Variants in BFAR observed in about 807,000 individuals in gnomAD.
BFAR encodes the protein bifunctional apoptosis regulator.
A neutral mutation model predicts 54.4 loss-of-function variants in BFAR; 52 were observed. The observed-to-expected ratio is 0.96, with a 90% CI of 0.77 to 1.21. BFAR has a LOEUF of 1.21. BFAR is among the 50% of genes most tolerant of loss of function. The pLI, the probability that BFAR is intolerant of heterozygous loss-of-function variation, is 0.00. For missense variants in BFAR, 571 were observed against 534.0 expected (o/e 1.07, Z -0.68); for synonymous variants, 215 against 204.3 (o/e 1.05, Z -0.45).
At chr16:14,650,667 T>A (rs901093356) in intron 4 of BFAR, 51 of 152,362 alleles carry the variant, frequency 3.3e-4, no homozygotes, top group African/African-American at 1.2e-3. Context: ...CATGTATCAG[T>A]ACTTCATTCC....
chr16:14,639,130 AT>A (rs2151835019), intron 1 of BFAR, among the ~76,000 whole-genome samples: 1 of 152,152 alleles, frequency 6.6e-6, no homozygotes, highest in African/African-American at 2.4e-5. Flanking sequence ...GATCATTCAA[AT>A]TCACCAACTC....
chr16:14,654,970 C>G (rs1960080337), intron 4 of BFAR, 96 bp from the exon 5 acceptor site: 4 of 1,274,418 alleles, frequency 3.1e-6, no homozygotes, highest in Non-Finnish European at 4.2e-6. Flanking sequence ...ATACCTCAAG[C>G]CTACAATATT....
intron 5 of BFAR, among the ~76,000 whole-genome samples, chr16:14,659,547 A>G (rs761529674): frequency 6.9e-6 from 1 of 145,460 alleles, no homozygotes; most frequent in Non-Finnish European, 1.5e-5. Context: ...TCCGGCCTCT[A>G]TAGTATACTT....
intron 1 of BFAR, among the ~76,000 whole-genome samples, chr16:14,638,608 G>A (rs1241375048): frequency 3.3e-5 from 5 of 152,182 alleles, no homozygotes; most frequent in Admixed American, 2.6e-4. Flanking sequence ...AATTTCTAAA[G>A]AGTTAACAAT....
chr16:14,637,501 A>T (rs1436326417), intron 1 of BFAR, among the ~76,000 whole-genome samples: 1 of 152,082 alleles, frequency 6.6e-6, no homozygotes, highest in Admixed American at 6.6e-5. Context: ...CTTATTCCAT[A>T]TGATTGTTAT....
chr16:14,644,114 G>C (rs1476204458), intron 1 of BFAR, among the ~76,000 whole-genome samples, 160 bp from the exon 2 acceptor site: 1 of 147,388 alleles, frequency 6.8e-6, no homozygotes, highest in Non-Finnish European at 1.5e-5. Flanking sequence ...AGTGAGCTGA[G>C]ATCACGCCAC....
At chr16:14,646,388 G>C (rs1258353916) in intron 2 of BFAR, among the ~76,000 whole-genome samples, 1 of 151,588 alleles carries the variant, frequency 6.6e-6, no homozygotes, top group Non-Finnish European at 1.5e-5. Flanking sequence ...GGGTTTCACA[G>C]TTTTGGCCAG....
chr16:14,645,958 T>G (rs559628818), intron 2 of BFAR, among the ~76,000 whole-genome samples: 2 of 152,300 alleles, frequency 1.3e-5, no homozygotes, highest in African/African-American at 4.8e-5. Flanking sequence ...AACCTCCACC[T>G]CCTAGGTTCA....
chr16:14,661,815 C>T lies in BFAR; in HGVS notation c.784-77C>T, dbSNP rs1182055649. ...ATGCAAAAAGGCTGATGGCAACAAG[C>T]GAGAGATGGGAAGGAGCGTGGGTGG... On this transcript the variant is annotated intron_variant, in intron 5 of 7. Coordinates refer to ENST00000261658, the MANE Select transcript of BFAR (RefSeq NM_016561.3). 6.6e-6 allele frequency: 10 copies of T among 1,511,674 alleles called. No individual in the cohort carries two copies. The African/African-American group carries it at 8.2e-5, about 12-fold the overall frequency. The allele number at this position is 1,511,674 out of a possible 1,614,324, so 93.6% of individuals were successfully genotyped here.
chr16:14,650,062 C>T (rs1959924966), intron 4 of BFAR, 89 bp downstream of exon 4: 4 of 1,361,396 alleles, frequency 2.9e-6, no homozygotes, highest in Non-Finnish European at 3.9e-6. Flanking sequence ...GTGGCTCACA[C>T]CTGGATCCCA....
chr16:14,666,117 A>C (rs1178310059), intron 7 of BFAR, among the ~76,000 whole-genome samples: 1 of 152,184 alleles, frequency 6.6e-6, no homozygotes, highest in African/African-American at 2.4e-5. Context: ...CCAGAAAGAA[A>C]GCACTTCCTT....
At chr16:14,664,284 A>C (rs1419397477) in intron 6 of BFAR, among the ~76,000 whole-genome samples, 1 of 150,974 alleles carries the variant, frequency 6.6e-6, no homozygotes, top group Non-Finnish European at 1.5e-5. Flanking sequence ...GAACATACTC[A>C]GGAGGCTGAG....
chr16:14,663,353 A>G (rs959135850), intron 6 of BFAR, among the ~76,000 whole-genome samples: 16 of 150,122 alleles, frequency 1.1e-4, no homozygotes, highest in African/African-American at 3.7e-4. Context: ...TTTTTTTGAG[A>G]CAGAGTCTCG....
intron 5 of BFAR, 151 bp from the exon 6 acceptor site, chr16:14,661,741 A>G (rs1021797964): frequency 2.4e-6 from 2 of 826,948 alleles, no homozygotes; most frequent in African/African-American, 3.4e-5. Flanking sequence ...CCAAATGTGG[A>G]TCACTTGGCC....
At chr16:14,633,813 C>T (rs1959344631) in intron 1 of BFAR, among the ~76,000 whole-genome samples, 1 of 152,032 alleles carries the variant, frequency 6.6e-6, no homozygotes, top group Non-Finnish European at 1.5e-5. Flanking sequence ...TAACCACGCC[C>T]GGCTGATTTT....
At chr16:14,642,773 CACA>C (rs1267469952) in intron 1 of BFAR, among the ~76,000 whole-genome samples, 4 of 152,150 alleles carry the variant, frequency 2.6e-5, no homozygotes, top group South Asian at 2.1e-4. Context: ...GATTTGTGTG[CACA>C]ACAAGTGTTA....
At chr16:14,657,438 C>T (rs1960160338) in intron 5 of BFAR, among the ~76,000 whole-genome samples, 1 of 151,826 alleles carries the variant, frequency 6.6e-6, no homozygotes, top group South Asian at 2.1e-4. Flanking sequence ...TTGGTAGAGA[C>T]GAGCTTTCAC....
intron 4 of BFAR, 75 bp downstream of exon 4, chr16:14,650,048 C>A (rs189557210): frequency 3.5e-6 from 5 of 1,438,132 alleles, no homozygotes; most frequent in Non-Finnish European, 3.7e-6. Flanking sequence ...CCAGGCCAGG[C>A]GCGGTGGCTC....
At position 14,668,347 on chromosome 16, in the gene BFAR, A is replaced by G. The variant is rs117485751; in HGVS notation, c.*520A>G. On this transcript the variant is annotated 3_prime_UTR_variant, in exon 8 of 8. Transcript: ENST00000261658. ...AATACCGAAGAAAACCCAAAATTCA[A>G]TCAACAATTCTGTCTTATTGAAGAG... 3.3e-4 allele frequency: 51 copies of G among 154,164 alleles called. No individual in the cohort carries two copies. Among genetic ancestry groups the G allele is most frequent in the Non-Finnish European group, 6.4e-4 (44 of 69,214 alleles). 9.5% of individuals were successfully genotyped at this position (154,164 alleles called of 1,614,324 possible). A position where few individuals can be genotyped will look rare whatever the true frequency, so the allele number is the denominator to read the frequency against.
Sources: allele counts gnomAD v4.1 joint callset (sites outside exome capture counted in the v4.1 genomes callset), GRCh38; gene constraint gnomAD v4.1.1; transcripts MANE v1.5; gene names NCBI Gene and HGNC (gene_info 2026-07-23, HGNC 2026-07-21).